KDM4C: variants seen among roughly 807,000 people sequenced by gnomAD.
KDM4C encodes the protein lysine demethylase 4C.
Under a neutral mutation model 129.3 loss-of-function variants are expected in KDM4C, and 81 were observed. That is an observed-to-expected ratio of 0.63 (90% CI 0.52 to 0.75). The LOEUF (loss-of-function observed/expected upper bound fraction) is 0.75. KDM4C is among the 30% of genes least tolerant of loss of function. The probability of loss-of-function intolerance (pLI) is 0.00; values close to 1 mark genes in which losing one functional copy is unlikely to be tolerated. For missense variants in KDM4C, 1,457 were observed against 1,304.0 expected, an observed-to-expected ratio of 1.12 and a Z score of -1.81; for synonymous variants, 573 against 456.1, an observed-to-expected ratio of 1.26 and a Z score of -3.26.
intron 1 of KDM4C, among the ~76,000 whole-genome samples, chr9:6,780,860 T>A (rs566661281): frequency 1.3e-5 from 2 of 151,802 alleles, no homozygotes; most frequent in Non-Finnish European, 2.9e-5. Context: ...ATGCAGTCTC[T>A]TGAAGGTGCA....
At chr9:7,120,077 C>T (rs757861142) in intron 18 of KDM4C, among the ~76,000 whole-genome samples, 1 of 152,094 alleles carries the variant, frequency 6.6e-6, no homozygotes, top group Non-Finnish European at 1.5e-5. Context: ...TGCTCTTCCT[C>T]GTGGCATTGA....
intron 8 of KDM4C, among the ~76,000 whole-genome samples, chr9:6,956,370 T>C (rs1355123529): frequency 6.6e-6 from 1 of 152,166 alleles, no homozygotes; most frequent in Non-Finnish European, 1.5e-5. Flanking sequence ...TCCACAAATA[T>C]ACACACCTAC....
chr9:6,752,111 A>C (rs1818089949), intron 1 of KDM4C, among the ~76,000 whole-genome samples: 1 of 150,450 alleles, frequency 6.6e-6, no homozygotes, highest in African/African-American at 2.5e-5. Flanking sequence ...AGACGGGCGG[A>C]TCACGAGGTC....
In KDM4C at chr9:6,984,171, A is replaced by G; in HGVS notation, c.1121A>G (p.Gln374Arg). 1 of 1,610,680 alleles carries G rather than the reference A, an allele frequency of 6.2e-7. No individual in the cohort carries two copies. The highest frequency in any genetic ancestry group is 8.5e-7 in the Non-Finnish European group (1 of 1,177,170). The change falls in exon 10 of 22, where the codon CAG (glutamine) becomes CGG (arginine). Residue 374 changes from glutamine (Q) to arginine (R), a missense_variant. Physicochemically the swap from Gln to Arg is conservative, Grantham distance 43 (BLOSUM62 1). Coordinates refer to ENST00000381309, the MANE Select transcript of KDM4C (RefSeq NM_015061.6). Reference protein sequence around the residue: ...RKVRKASRSFQCARSTSKRPK... With the variant: ...RKVRKASRSFRCARSTSKRPK... ...ACTGCTTCTCTTGTTGACAGCTTCC[A>G]GTGTGCTAGGTCTACCTCTAAAAGG...
At chr9:6,926,020 C>G (rs1282653089) in intron 8 of KDM4C, among the ~76,000 whole-genome samples, 1 of 152,100 alleles carries the variant, frequency 6.6e-6, no homozygotes, top group African/African-American at 2.4e-5. Context: ...AGAGCGGCTT[C>G]CGAGCATAGC....
chr9:6,756,191 A>G (rs1266716830), upstream of KDM4C, among the ~76,000 whole-genome samples: 1 of 152,212 alleles, frequency 6.6e-6, no homozygotes, highest in Non-Finnish European at 1.5e-5. Flanking sequence ...CAGTTTCCAC[A>G]TCTGTAACAA....
intron 3 of KDM4C, among the ~76,000 whole-genome samples, chr9:6,809,190 T>A (rs1359115739): frequency 6.6e-6 from 1 of 152,228 alleles, no homozygotes; most frequent in Non-Finnish European, 1.5e-5. Context: ...TCATTTCTTT[T>A]GAATTTTTTG....
At position 7,166,864 on chromosome 9, in the gene KDM4C, T is replaced by G. The variant is rs962337758; in HGVS notation, c.2901+1507T>G. ...CATATTTATAGACTCAATGAAAAAG[T>G]TAAGACTAATATTAAAATTGTCTCT... is the stretch of plus-strand genomic sequence containing the variant. On this transcript the variant is annotated intron_variant, in intron 20 of 21. Transcript: ENST00000381309. Among the ~76,000 whole-genome samples, 8 of 152,048 alleles carry G rather than the reference T, an allele frequency of 5.3e-5. No homozygotes were observed. The East Asian group carries it at 1.5e-3, about 29-fold the overall frequency.
intron 15 of KDM4C, among the ~76,000 whole-genome samples, chr9:7,030,214 A>G (rs905655579): frequency 3.3e-5 from 5 of 152,150 alleles, no homozygotes; most frequent in African/African-American, 4.8e-5. Context: ...ATAAAACTGA[A>G]TTTACTTACT....
At chr9:7,080,159 G>T (rs1834369031) in intron 17 of KDM4C, among the ~76,000 whole-genome samples, 1 of 152,122 alleles carries the variant, frequency 6.6e-6, no homozygotes, top group Non-Finnish European at 1.5e-5. Context: ...ACATAACCCA[G>T]CCTCCCTTAC....
In KDM4C at chr9:6,973,753, C is replaced by G. The variant is rs1385817343; in HGVS notation, c.922-7172C>G. On this transcript the variant is annotated intron_variant, in intron 8 of 21. Transcript: ENST00000381309. ...TATTGATTTGTTAATCAATCCTCAT[C>G]CCTTCCCTTCTTTTAAAACATTATT... The G allele has an allele frequency of 5.9e-5, 9 of 152,198 alleles. No homozygotes were observed. The South Asian group carries it at 1.9e-3, about 32-fold the overall frequency. The allele number at this position is 152,198 out of a possible 1,614,324, so 9.4% of individuals were successfully genotyped here.
chr9:6,858,881 T>C (rs959776693), intron 5 of KDM4C, among the ~76,000 whole-genome samples: 1 of 151,962 alleles, frequency 6.6e-6, no homozygotes, highest in African/African-American at 2.4e-5. Flanking sequence ...CACTACTTAA[T>C]GTCATTGTTT....
chr9:7,162,856 G>A (rs972377315), intron 19 of KDM4C, among the ~76,000 whole-genome samples: 2 of 152,042 alleles, frequency 1.3e-5, no homozygotes, highest in African/African-American at 4.8e-5. Flanking sequence ...GTTGGGATTC[G>A]AGAAGGACCC....
chr9:7,024,628 C>G (rs1222655869), intron 15 of KDM4C, among the ~76,000 whole-genome samples: 1 of 152,080 alleles, frequency 6.6e-6, no homozygotes, highest in Non-Finnish European at 1.5e-5. Flanking sequence ...ATGATGGTTT[C>G]CAGCTTCATC....
chr9:7,168,381 C>T (rs1844618486), intron 20 of KDM4C, among the ~76,000 whole-genome samples: 1 of 152,038 alleles, frequency 6.6e-6, no homozygotes, highest in Admixed American at 6.5e-5. Context: ...AGAGTTAGAA[C>T]ATATTAAGTA....
intron 16 of KDM4C, among the ~76,000 whole-genome samples, chr9:7,048,089 C>T (rs1307671908): frequency 6.6e-6 from 1 of 152,014 alleles, no homozygotes. Context: ...TGATATGATT[C>T]GCACTATACT....
At chr9:7,111,647 A>G (rs952787340) in intron 18 of KDM4C, among the ~76,000 whole-genome samples, 1 of 152,130 alleles carries the variant, frequency 6.6e-6, no homozygotes, top group African/African-American at 2.4e-5. Flanking sequence ...AAGGCCTGGT[A>G]TATCTGAGGA....
chr9:6,825,205 C>G (rs749458155), intron 4 of KDM4C, among the ~76,000 whole-genome samples: 13 of 149,660 alleles, frequency 8.7e-5, no homozygotes, highest in Non-Finnish European at 1.6e-4. Context: ...TACATTTAAT[C>G]TGTTATAAAG....
chr9:7,116,235 G>A (rs1838881699), intron 18 of KDM4C, among the ~76,000 whole-genome samples: 1 of 152,102 alleles, frequency 6.6e-6, no homozygotes, highest in African/African-American at 2.4e-5. Flanking sequence ...CCTCGAGTGG[G>A]CCTTTTAGTT....
Sources: allele counts gnomAD v4.1 joint callset (sites outside exome capture counted in the v4.1 genomes callset), GRCh38; gene constraint gnomAD v4.1.1; transcripts MANE v1.5; gene names NCBI Gene and HGNC (gene_info 2026-07-23, HGNC 2026-07-21).